ADAM12: variants seen among roughly 807,000 people sequenced by gnomAD.
ADAM12 encodes ADAM metallopeptidase domain 12.
A neutral mutation model predicts 106.4 loss-of-function variants in ADAM12; 70 were observed. The ratio of observed to expected loss-of-function variants is 0.66; its 90% CI spans 0.54 to 0.80. The LOEUF (loss-of-function observed/expected upper bound fraction) is 0.80, where lower values mean the gene tolerates loss of function less well. Among genes scored for constraint, ADAM12 ranks in the 30% least tolerant of loss-of-function variants. ADAM12 has a pLI of 0.00. For synonymous variants in ADAM12, 420 were observed against 433.5 expected (o/e 0.97, Z 0.39); for missense variants, 1,010 against 1,171.9 (o/e 0.86, Z 2.02).
At chr10:126,029,245 G>A (rs1021083311) in intron 21 of ADAM12, among the ~76,000 whole-genome samples, 3 of 152,104 alleles carry the variant, frequency 2.0e-5, no homozygotes, top group Non-Finnish European at 2.9e-5. Flanking sequence ...CCATTATTGG[G>A]TATATACCCA....
chr10:126,332,207 G>C (rs1854544338), intron 1 of ADAM12, among the ~76,000 whole-genome samples: 1 of 152,172 alleles, frequency 6.6e-6, no homozygotes, highest in Non-Finnish European at 1.5e-5. Context: ...CTCTAGATCT[G>C]ATGCCTTCTA....
At position 126,180,611 on chromosome 10, in the gene ADAM12, C is replaced by A. The variant is rs188882991; in HGVS notation, c.261-25306G>T. On this transcript the variant is annotated intron_variant, in intron 3 of 22. Transcript: ENST00000448723. ...GCCCCAGTGTCTGTCTGTCTAGCAC[C>A]TGTTTCACAAGGATTTAAAACCAAG... Among the ~76,000 whole-genome samples the A allele has an allele frequency of 8.7e-4, 133 of 152,274 alleles. 1 individual carries two copies. Among genetic ancestry groups the A allele is most frequent in the Non-Finnish European group, 1.6e-3 (107 of 68,032 alleles).
intron 1 of ADAM12, among the ~76,000 whole-genome samples, chr10:126,356,107 G>T (rs1171361469): frequency 1.3e-5 from 2 of 152,176 alleles, no homozygotes; most frequent in Non-Finnish European, 2.9e-5. Context: ...CCCTGGTTAG[G>T]CAAAGACGCA....
chr10:126,022,920 C>T (rs1297554864), intron 21 of ADAM12, among the ~76,000 whole-genome samples: 2 of 152,148 alleles, frequency 1.3e-5, no homozygotes, highest in African/African-American at 4.8e-5. Context: ...TGGCAATAGC[C>T]ACATATTTCA....
At chr10:126,214,449 C>T (rs993143547) in intron 3 of ADAM12, among the ~76,000 whole-genome samples, 1 of 152,162 alleles carries the variant, frequency 6.6e-6, no homozygotes, top group Non-Finnish European at 1.5e-5. Context: ...ATATTTGCTA[C>T]TATTCTCATC....
chr10:126,363,382 A>G (rs1239622899), intron 1 of ADAM12, among the ~76,000 whole-genome samples: 1 of 152,194 alleles, frequency 6.6e-6, no homozygotes, highest in Non-Finnish European at 1.5e-5. Flanking sequence ...CCCAAAAAAC[A>G]CACAGTAAAA....
chr10:126,196,221 T>C (rs1438815818), intron 3 of ADAM12, among the ~76,000 whole-genome samples: 1 of 152,238 alleles, frequency 6.6e-6, no homozygotes, highest in Non-Finnish European at 1.5e-5. Flanking sequence ...CCTGATTCTG[T>C]AAAGTTAGAT....
At chr10:126,210,640 G>A (rs1253535449) in intron 3 of ADAM12, among the ~76,000 whole-genome samples, 1 of 152,200 alleles carries the variant, frequency 6.6e-6, no homozygotes, top group African/African-American at 2.4e-5. Flanking sequence ...GGATATGGAC[G>A]ATGATGACTG....
intron 11 of ADAM12, among the ~76,000 whole-genome samples, chr10:126,082,363 G>GTTTTTTTTTTTTTTTTTTT (rs5788763): frequency 2.5e-5 from 2 of 80,772 alleles, no homozygotes; most frequent in African/African-American, 1.1e-4. Flanking sequence ...TCTAATGACT[G>GTTTTTTTTTTTTTTTTTTT]TTTTTTTTTT....
intron 14 of ADAM12, among the ~76,000 whole-genome samples, chr10:126,050,789 T>A (rs1954462113): frequency 6.6e-6 from 1 of 152,244 alleles, no homozygotes. Context: ...CCACACCACC[T>A]TGCCATCATT....
At chr10:126,355,527 G>T (rs1294059732) in intron 1 of ADAM12, among the ~76,000 whole-genome samples, 1 of 152,202 alleles carries the variant, frequency 6.6e-6, no homozygotes, top group Non-Finnish European at 1.5e-5. Context: ...AATGAAGTCT[G>T]CATTGGAAGG....
At chr10:126,173,628 T>C (rs916915986) in intron 3 of ADAM12, among the ~76,000 whole-genome samples, 2 of 150,490 alleles carry the variant, frequency 1.3e-5, no homozygotes, top group Non-Finnish European at 3.0e-5. Context: ...TGAATATAGA[T>C]TTTTTTTTTA....
At chr10:126,060,115 C>T (rs971123891) in intron 14 of ADAM12, among the ~76,000 whole-genome samples, 1 of 152,150 alleles carries the variant, frequency 6.6e-6, no homozygotes, top group Non-Finnish European at 1.5e-5. Flanking sequence ...TTATCAACAA[C>T]AAAAACAATT....
chr10:126,074,696 A>G (rs1955064340), intron 11 of ADAM12, among the ~76,000 whole-genome samples: 1 of 152,212 alleles, frequency 6.6e-6, no homozygotes, highest in Non-Finnish European at 1.5e-5. Flanking sequence ...GCATACATAA[A>G]TGGTCGTCAT....
intron 12 of ADAM12, among the ~76,000 whole-genome samples, chr10:126,068,063 C>A (rs1199067153): frequency 1.3e-5 from 2 of 152,202 alleles, no homozygotes; most frequent in East Asian, 3.9e-4. Context: ...TGCTTGAGGA[C>A]TTTATAAACA....
At chr10:126,060,551 G>A (rs114018590) in intron 14 of ADAM12, among the ~76,000 whole-genome samples, 3 of 152,188 alleles carry the variant, frequency 2.0e-5, no homozygotes, top group African/African-American at 7.2e-5. Flanking sequence ...AGATCCTGAA[G>A]CATTTGCTCC....
intron 11 of ADAM12, among the ~76,000 whole-genome samples, chr10:126,086,261 G>A (rs564912657): frequency 2.0e-5 from 3 of 152,084 alleles, no homozygotes; most frequent in South Asian, 2.1e-4. Flanking sequence ...ATGTGTTCAC[G>A]GCCACTTCCA....
chr10:126,181,021 A>G (rs993559339), intron 3 of ADAM12, among the ~76,000 whole-genome samples: 6 of 152,212 alleles, frequency 3.9e-5, no homozygotes, highest in Non-Finnish European at 8.8e-5. Context: ...ATTAACATAA[A>G]TAACTAATAA....
intron 3 of ADAM12, among the ~76,000 whole-genome samples, chr10:126,269,856 C>T (rs1468963050): frequency 6.6e-6 from 1 of 152,202 alleles, no homozygotes; most frequent in Non-Finnish European, 1.5e-5. Flanking sequence ...CAAATCACAA[C>T]CCAGAGGGGC....
Sources: allele counts gnomAD v4.1 joint callset (sites outside exome capture counted in the v4.1 genomes callset), GRCh38; gene constraint gnomAD v4.1.1; transcripts MANE v1.5; gene names NCBI Gene and HGNC (gene_info 2026-07-23, HGNC 2026-07-21).